DLG1: variants seen among roughly 807,000 people sequenced by gnomAD.
DLG1 encodes the protein disks large homolog 1.
In DLG1, 42 loss-of-function variants were observed where a neutral mutation model predicts 123.4. The ratio of observed to expected loss-of-function variants is 0.34; its 90% confidence interval spans 0.27 to 0.44. The LOEUF is 0.44. Among genes scored for constraint, DLG1 ranks in the 20% least tolerant of loss-of-function variants. The pLI is 1.00. For missense variants in DLG1, 942 were observed against 1,082.6 expected (o/e 0.87, Z 1.82); for synonymous variants, 317 against 356.2 (o/e 0.89, Z 1.24).
intron 11 of DLG1, among the ~76,000 whole-genome samples, chr3:197,126,043 G>T (rs893906806): frequency 8.5e-5 from 13 of 152,316 alleles, no homozygotes; most frequent in Middle Eastern, 3.4e-3. Context: ...ATATGCAGAA[G>T]TGTACAACGA....
intron 4 of DLG1, among the ~76,000 whole-genome samples, chr3:197,245,746 G>T (rs1456634416): frequency 6.6e-6 from 1 of 152,282 alleles, no homozygotes; most frequent in Middle Eastern, 3.4e-3. Context: ...GATGGGAATG[G>T]CAGTTGGGGG....
intron 1 of DLG1, chr3:197,298,226 CGCT>C (rs1328464561): frequency 3.1e-6 from 1 of 326,794 alleles, no homozygotes; most frequent in African/African-American, 2.1e-5. Flanking sequence ...GGGCTCCCCG[CGCT>C]GCTACCTTCG....
chr3:197,147,432 GCACACA>G (rs67643945), intron 6 of DLG1, among the ~76,000 whole-genome samples: 2,662 of 147,160 alleles, frequency 0.018, 32 homozygotes, highest in Admixed American at 0.03. Context: ...TATATGGTGT[GCACACA>G]CACACACACA....
At chr3:197,088,567 C>T (rs1425518454) in intron 15 of DLG1, among the ~76,000 whole-genome samples, 2 of 152,110 alleles carry the variant, frequency 1.3e-5, no homozygotes, top group Non-Finnish European at 2.9e-5. Flanking sequence ...ATCTAGGAAA[C>T]ATGTGACATA....
At chr3:197,060,640 C>G (rs1735131260) in intron 22 of DLG1, among the ~76,000 whole-genome samples, 1 of 152,170 alleles carries the variant, frequency 6.6e-6, no homozygotes, top group Non-Finnish European at 1.5e-5. Flanking sequence ...CATAAACTAG[C>G]ATATGGGACC....
chr3:197,095,417 T>A (rs758307704), intron 14 of DLG1, among the ~76,000 whole-genome samples: 1 of 152,154 alleles, frequency 6.6e-6, no homozygotes, highest in Non-Finnish European at 1.5e-5. Flanking sequence ...AGTTTCTCGG[T>A]GTTTCCTTGA....
chr3:197,284,311 T>C (rs903530150), intron 3 of DLG1, among the ~76,000 whole-genome samples: 1 of 152,144 alleles, frequency 6.6e-6, no homozygotes, highest in Non-Finnish European at 1.5e-5. Flanking sequence ...ACATATGTGC[T>C]ATGCATACAC....
chr3:197,057,475 G>A (rs1271236586), intron 23 of DLG1, among the ~76,000 whole-genome samples: 1 of 152,188 alleles, frequency 6.6e-6, no homozygotes, highest in Non-Finnish European at 1.5e-5. Context: ...CTAAGAATAT[G>A]ACTTCTGGGT....
chr3:197,068,665 T>C (rs1170956216), intron 19 of DLG1: 4 of 575,320 alleles, frequency 7.0e-6, no homozygotes, highest in African/African-American at 5.7e-5. Flanking sequence ...ATCACATGCT[T>C]GTGCAGTTCA....
At chr3:197,130,979 C>A (rs73891629) in intron 10 of DLG1, among the ~76,000 whole-genome samples, 1,861 of 152,182 alleles carry the variant, frequency 0.012, 31 homozygotes, top group African/African-American at 0.043. Context: ...ACATTTTTAT[C>A]TTTAAAGAAA....
intron 3 of DLG1, 107 bp from the exon 4 acceptor site, chr3:197,282,952 A>G (rs1315301303): frequency 1.7e-6 from 1 of 600,348 alleles, no homozygotes; most frequent in Non-Finnish European, 2.8e-6. Flanking sequence ...TAGATTAGTA[A>G]ATCAATTCCC....
intron 4 of DLG1, among the ~76,000 whole-genome samples, chr3:197,225,103 C>G (rs1739138163): frequency 6.6e-6 from 1 of 152,176 alleles, no homozygotes; most frequent in Non-Finnish European, 1.5e-5. Context: ...ACTACAGGCA[C>G]CCGCCACCGC....
chr3:197,242,943 G>C (rs1401674308), intron 4 of DLG1, among the ~76,000 whole-genome samples: 3 of 152,118 alleles, frequency 2.0e-5, no homozygotes, highest in Admixed American at 6.6e-5. Context: ...GCTGCTTGAA[G>C]AATTAGGCAA....
intron 23 of DLG1, among the ~76,000 whole-genome samples, chr3:197,055,684 A>G (rs1469598554): frequency 1.3e-5 from 2 of 152,004 alleles, no homozygotes; most frequent in Non-Finnish European, 2.9e-5. Flanking sequence ...GGGGAGGGGG[A>G]AAAAAGGTGT....
intron 22 of DLG1, among the ~76,000 whole-genome samples, chr3:197,062,752 A>C (rs562626099): frequency 2.6e-5 from 4 of 152,158 alleles, no homozygotes; most frequent in Admixed American, 1.3e-4. Flanking sequence ...CTCATGGCTT[A>C]TTCAGTGTTA....
intron 4 of DLG1, among the ~76,000 whole-genome samples, chr3:197,276,089 TCA>T (rs1380707836): frequency 5.3e-5 from 8 of 152,228 alleles, no homozygotes; most frequent in African/African-American, 1.7e-4. Flanking sequence ...GGTTTTCTTT[TCA>T]CACACAGTCA....
At chr3:197,096,954 G>A (rs560481485) in intron 14 of DLG1, among the ~76,000 whole-genome samples, 4 of 152,234 alleles carry the variant, frequency 2.6e-5, no homozygotes, top group African/African-American at 4.8e-5. Flanking sequence ...TAGGAGTTAC[G>A]AGTCAAGATA....
intron 4 of DLG1, among the ~76,000 whole-genome samples, chr3:197,281,291 G>A (rs1168007591): frequency 6.6e-6 from 1 of 152,006 alleles, no homozygotes; most frequent in African/African-American, 2.4e-5. Context: ...CACCCGCCTT[G>A]GCCTCCCAAA....
chr3:197,054,714 G>C (rs993339540), intron 23 of DLG1, among the ~76,000 whole-genome samples: 1 of 151,012 alleles, frequency 6.6e-6, no homozygotes. Flanking sequence ...GTGTGATCTC[G>C]GCTCACTGCA....
Sources: allele counts gnomAD v4.1 joint callset (sites outside exome capture counted in the v4.1 genomes callset), GRCh38; gene constraint gnomAD v4.1.1; transcripts MANE v1.5; gene names NCBI Gene and HGNC (gene_info 2026-07-23, HGNC 2026-07-21).